HSPBAP1: variants seen among roughly 807,000 people sequenced by gnomAD.
HSPBAP1 encodes the protein HSPB1-associated protein 1.
In HSPBAP1, 27 loss-of-function variants were observed where a neutral mutation model predicts 45.2. The ratio of observed to expected loss-of-function variants is 0.60; its 90% CI spans 0.44 to 0.82. HSPBAP1 has a LOEUF of 0.82. Among genes scored for constraint, HSPBAP1 ranks in the 40% least tolerant of loss-of-function variants. The pLI, the probability that HSPBAP1 is intolerant of heterozygous loss-of-function variation, is 0.00. For synonymous variants in HSPBAP1, 204 were observed against 202.7 expected (o/e 1.01, Z -0.06); for missense variants, 510 against 590.9 (o/e 0.86, Z 1.42).
chr3:122,750,795 G>A (rs917706019), intron 6 of HSPBAP1, among the ~76,000 whole-genome samples: 19 of 152,124 alleles, frequency 1.2e-4, no homozygotes, highest in African/African-American at 4.1e-4. Flanking sequence ...TCTAATTAAC[G>A]GGGACATATC....
intron 1 of HSPBAP1, among the ~76,000 whole-genome samples, chr3:122,780,002 C>T (rs930655909): frequency 2.0e-5 from 3 of 152,146 alleles, no homozygotes; most frequent in Non-Finnish European, 4.4e-5. Flanking sequence ...CATCATGGCC[C>T]GTTCTCAATG....
Position 122,755,295 on chromosome 3 carries a change from C to A in HSPBAP1, c.706G>T (p.Ala236Ser), listed in dbSNP as rs1443893204. 1.9e-6 allele frequency: 3 copies of A among 1,597,376 alleles called. No individual in the cohort carries two copies. The highest frequency in any genetic ancestry group is 1.8e-5 in the Admixed American group (1 of 56,186). Residue 236 changes from alanine to serine, a missense_variant, in exon 5 of 8, where the codon GCT becomes TCT. Physicochemically the swap from Ala to Ser is moderately conservative, Grantham distance 99. Transcript: ENST00000306103. The part of the protein sequence containing the change: ...DLKRFPQFRK[A>S]QRHAVTLSPG... ...CTCAGTGTAACCGCATGTCTTTGAGCTTTCCGGAACTGAGGAAAACGCTTT... is the reference window on the plus strand; with the variant it reads ...CTCAGTGTAACCGCATGTCTTTGAGATTTCCGGAACTGAGGAAAACGCTTT...
intron 6 of HSPBAP1, among the ~76,000 whole-genome samples, chr3:122,747,747 C>A (rs574322866): frequency 1.2e-4 from 11 of 91,230 alleles, no homozygotes; most frequent in East Asian, 3.4e-4. Flanking sequence ...CGCCCCGTCC[C>A]GGAGGGAGGT....
chr3:122,753,083 A>G (rs1291488754), intron 5 of HSPBAP1: 2 of 665,068 alleles, frequency 3.0e-6, no homozygotes, highest in African/African-American at 4.0e-5. Flanking sequence ...CAATGAGAAG[A>G]TAAAGTATAG....
intron 1 of HSPBAP1, among the ~76,000 whole-genome samples, chr3:122,787,049 C>A (rs1935682033): frequency 6.6e-6 from 1 of 152,128 alleles, no homozygotes; most frequent in African/African-American, 2.4e-5. Context: ...CCTCAACAGT[C>A]TTCAAAGGAT....
intron 2 of HSPBAP1, 21 bp from the exon 3 acceptor site, chr3:122,768,903 A>T: frequency 6.8e-7 from 1 of 1,471,142 alleles, no homozygotes; most frequent in Non-Finnish European, 9.4e-7. Context: ...AGAGAATGCA[A>T]CCTTAAATGT....
chr3:122,781,336 C>T (rs925041554), intron 1 of HSPBAP1, among the ~76,000 whole-genome samples: 2 of 152,244 alleles, frequency 1.3e-5, no homozygotes, highest in Non-Finnish European at 2.9e-5. Flanking sequence ...GAGGATCACT[C>T]GTGGTTAGGA....
Position 122,780,656 on chromosome 3 carries a change from AC to A in HSPBAP1, c.65-2751del, listed in dbSNP as rs1311794593. ...GGGCGGCTGGCCAGGCGGGGGGCTG[AC>A]CCCCCCACCTCCCTCCCGGACGGGG... On this transcript the variant is annotated intron_variant, in intron 1 of 7. Coordinates refer to ENST00000306103, the MANE Select transcript of HSPBAP1 (RefSeq NM_024610.6). 5.5e-5 allele frequency among the ~76,000 whole-genome samples: 7 copies of A among 127,830 alleles called. No homozygotes were observed. In the South Asian group the frequency reaches 7.9e-4, roughly 14 times the overall value. The allele number at this position is 127,830 out of a possible 152,430, so 83.9% of individuals were successfully genotyped here.
intron 1 of HSPBAP1, among the ~76,000 whole-genome samples, chr3:122,780,230 G>C: frequency 1.1e-5 from 1 of 87,906 alleles, no homozygotes; most frequent in Non-Finnish European, 2.5e-5. Context: ...TGGCCGGGCG[G>C]GGGGCTGACC....
intron 3 of HSPBAP1, among the ~76,000 whole-genome samples, chr3:122,767,903 A>G (rs921169763): frequency 1.3e-5 from 2 of 152,090 alleles, no homozygotes; most frequent in East Asian, 3.9e-4. Flanking sequence ...TTCTCTCCAC[A>G]AAGAAGGGGC....
intron 6 of HSPBAP1, among the ~76,000 whole-genome samples, 152 bp downstream of exon 6, chr3:122,752,437 CAG>C (rs1934186141): frequency 6.6e-6 from 1 of 151,774 alleles, no homozygotes; most frequent in African/African-American, 2.4e-5. Context: ...TAACAGAAGA[CAG>C]AATGCATACG....
intron 3 of HSPBAP1, among the ~76,000 whole-genome samples, chr3:122,762,455 A>T (rs1171610010): frequency 6.6e-6 from 1 of 152,116 alleles, no homozygotes; most frequent in Non-Finnish European, 1.5e-5. Flanking sequence ...CATACCATTA[A>T]TGCACTGTCA....
rs375396045 is a variant in HSPBAP1, at chr3:122,783,790, A to G, written c.65-5884T>C. 2.3e-3 allele frequency among the ~76,000 whole-genome samples: 352 copies of G among 151,982 alleles called. 1 individual carries two copies. The highest frequency in any genetic ancestry group is 0.011 in the South Asian group (51 of 4,804). ...CAGCCTTTATTACCCATCTTTGGTT[A>G]TAAGAATGTCTTCCTTGTTCCTGGT... On this transcript the variant is annotated intron_variant, in intron 1 of 7. Coordinates refer to ENST00000306103, the MANE Select transcript of HSPBAP1 (RefSeq NM_024610.6).
chr3:122,771,289 G>A (rs1024919360), intron 2 of HSPBAP1, among the ~76,000 whole-genome samples: 1 of 152,170 alleles, frequency 6.6e-6, no homozygotes, highest in East Asian at 1.9e-4. Flanking sequence ...TTTCTGGGTA[G>A]TACAGTTGTT....
At chr3:122,742,706 T>C (rs1466933757) in intron 6 of HSPBAP1, among the ~76,000 whole-genome samples, 1 of 152,194 alleles carries the variant, frequency 6.6e-6, no homozygotes, top group Non-Finnish European at 1.5e-5. Context: ...CCCAATTAGT[T>C]GAAGTCCTTA....
At chr3:122,742,152 A>C (rs1457108901) in intron 6 of HSPBAP1, among the ~76,000 whole-genome samples, 2 of 143,492 alleles carry the variant, frequency 1.4e-5, no homozygotes, top group Non-Finnish European at 3.1e-5. Flanking sequence ...AATTATTATA[A>C]ATATAATAAA....
intron 5 of HSPBAP1, 112 bp downstream of exon 5, chr3:122,755,148 A>G (rs1355567765): frequency 1.2e-5 from 14 of 1,214,584 alleles, no homozygotes; most frequent in Non-Finnish European, 1.5e-5. Flanking sequence ...GAGGGAAGGA[A>G]GCCATTCTCA....
chr3:122,761,048 G>A lies in HSPBAP1; in HGVS notation c.433-1688C>T, dbSNP rs537620150. Among the ~76,000 whole-genome samples, 28 of 152,264 alleles carry A rather than the reference G, an allele frequency of 1.8e-4. 1 individual carries two copies. The highest frequency in any genetic ancestry group is 6.0e-4 in the African/African-American group (25 of 41,554). On this transcript the variant is annotated intron_variant, in intron 3 of 7. Transcript: ENST00000306103. ...AGGGAATGCTTTAAGATCACAGCAG[G>A]AGGGCCCTGCACCCAGCCAGGGAGC...
chr3:122,793,503 G>T, intron 1 of HSPBAP1, 114 bp downstream of exon 1: 1 of 815,514 alleles, frequency 1.2e-6, no homozygotes, highest in Non-Finnish European at 2.1e-6. Flanking sequence ...ATAGTCTAAT[G>T]CAAGGCCAGA....
Sources: allele counts gnomAD v4.1 joint callset (sites outside exome capture counted in the v4.1 genomes callset), GRCh38; gene constraint gnomAD v4.1.1; transcripts MANE v1.5; gene names NCBI Gene and HGNC (gene_info 2026-07-23, HGNC 2026-07-21).